PCLO: variants seen among roughly 807,000 people sequenced by gnomAD.
The protein encoded by PCLO is piccolo presynaptic cytomatrix protein.
Under a neutral mutation model 427.5 loss-of-function variants are expected in PCLO, and 82 were observed. The ratio of observed to expected loss-of-function variants is 0.19; its 90% CI spans 0.16 to 0.23. The LOEUF (loss-of-function observed/expected upper bound fraction) is 0.23. Ranked by LOEUF, PCLO falls within the 10% of genes least tolerant of loss-of-function variation. PCLO has a pLI of 1.00. For missense variants in PCLO, 6,239 were observed against 6,115.9 expected, an observed-to-expected ratio of 1.02 and a Z score of -0.67; for synonymous variants, 2,357 against 2,155.4, an observed-to-expected ratio of 1.09 and a Z score of -2.59.
chr7:82,868,141 C>T, intron 10 of PCLO: 2 of 456,642 alleles, frequency 4.4e-6, no homozygotes, highest in South Asian at 1.5e-5. Flanking sequence ...CAAGGAAGCT[C>T]ACTCATCTGT....
chr7:82,966,592 T>C (rs184766854), intron 3 of PCLO, 105 bp from the exon 4 acceptor site: 3 of 578,018 alleles, frequency 5.2e-6, no homozygotes, highest in South Asian at 7.2e-5. Flanking sequence ...GCTGTTTTTG[T>C]ACATGGAGAA....
At chr7:82,978,279 T>G (rs1796067948) in intron 3 of PCLO, among the ~76,000 whole-genome samples, 1 of 152,000 alleles carries the variant, frequency 6.6e-6, no homozygotes, top group African/African-American at 2.4e-5. Context: ...TCCTACAATC[T>G]GGGCAATTAC....
At position 82,954,552 on chromosome 7, in the gene PCLO, T is replaced by G. The variant is rs1337429030; in HGVS notation, c.6401A>C (p.Gln2134Pro). The part of the protein sequence containing the change: ...TLSIPDVKIT[Q>P]HFSTEEIEDE... Reference sequence around the variant, plus strand: ...CTCAATTTCTTCTGTTGAAAAATGTTGGGTTATTTTAACATCTGGGATAGA... The same window carrying G: ...CTCAATTTCTTCTGTTGAAAAATGTGGGGTTATTTTAACATCTGGGATAGA... Residue 2134 changes from glutamine to proline, a missense_variant, in exon 5 of 25, where the codon CAA becomes CCA. Around this residue, in one of 5 missense-constraint regions of PCLO, gnomAD observed 4,677 missense variants for 4,468.4 expected, o/e 1.05. Coordinates refer to ENST00000333891, the MANE Select transcript of PCLO (RefSeq NM_033026.6). The G allele has an allele frequency of 9.9e-6, 16 of 1,613,772 alleles. No individual in the cohort carries two copies. The highest frequency in any genetic ancestry group is 1.4e-5 in the Non-Finnish European group (16 of 1,179,812).
At chr7:82,970,095 G>A (rs1795867001) in intron 3 of PCLO, among the ~76,000 whole-genome samples, 1 of 151,912 alleles carries the variant, frequency 6.6e-6, no homozygotes, top group Admixed American at 6.6e-5. Context: ...ATGAGGCACA[G>A]CAAAAATCAT....
intron 22 of PCLO, among the ~76,000 whole-genome samples, chr7:82,795,553 G>A (rs79988873): frequency 2.0e-3 from 304 of 152,090 alleles, no homozygotes; most frequent in African/African-American, 7.1e-3. Context: ...TAAAAATGTT[G>A]GTAAGTACAA....
At position 82,915,281 on chromosome 7, in the gene PCLO, C is replaced by A. The variant is rs138538468; in HGVS notation, c.12705G>T (p.Arg4235Ser). 6.2e-7 allele frequency: 1 copy of A among 1,613,562 alleles called. No homozygotes were observed. The highest frequency in any genetic ancestry group is 2.2e-5 in the East Asian group (1 of 44,768). Residue 4235 changes from arginine (R) to serine (S), a missense_variant, in exon 7 of 25, where the codon AGG becomes AGT. This residue lies in a region of PCLO where 680 missense variants were observed against 677.3 expected (regional missense o/e 1.00). Coordinates refer to ENST00000333891, the MANE Select transcript of PCLO (RefSeq NM_033026.6). ...CAAAAGTGATGTCATCTTGAAGGAGCCTTGCCCTGGAGGAAATGCCACCAA... is the reference window on the plus strand; with the variant it reads ...CAAAAGTGATGTCATCTTGAAGGAGACTTGCCCTGGAGGAAATGCCACCAA... ...SSIGGISSRA[R>S]LLQDDITFGL...
chr7:82,981,171 A>C (rs1426920078), intron 3 of PCLO, among the ~76,000 whole-genome samples: 5 of 152,030 alleles, frequency 3.3e-5, no homozygotes, highest in Admixed American at 3.3e-4. Flanking sequence ...TTCATTATGA[A>C]CATACTTCGT....
chr7:82,794,596 C>T (rs887829039), intron 22 of PCLO, among the ~76,000 whole-genome samples: 1 of 150,436 alleles, frequency 6.6e-6, no homozygotes, highest in African/African-American at 2.4e-5. Flanking sequence ...TCTTAGCCTC[C>T]CTAGCAGCTG....
In PCLO at chr7:82,908,106, G is replaced by A. The variant is rs568522610; in HGVS notation, c.13437+771C>T. Among the ~76,000 whole-genome samples, 16 of 152,128 alleles carry A rather than the reference G, an allele frequency of 1.1e-4. No individual in the cohort carries two copies. The East Asian group carries it at 2.7e-3, about 26-fold the overall frequency. Reference sequence around the variant, plus strand: ...AATAATCATAATGAGTACACAACCTGCAAATATCTGATCTGCTAAGGCAAT... The same window carrying A: ...AATAATCATAATGAGTACACAACCTACAAATATCTGATCTGCTAAGGCAAT... On this transcript the variant is annotated intron_variant, in intron 8 of 24. Transcript: ENST00000333891.
At chr7:82,840,471 T>C (rs1792340090) in intron 14 of PCLO, among the ~76,000 whole-genome samples, 1 of 152,114 alleles carries the variant, frequency 6.6e-6, no homozygotes. Context: ...GTCTCTCTCT[T>C]ACTCCAAAAT....
intron 21 of PCLO, among the ~76,000 whole-genome samples, chr7:82,804,781 T>C (rs1695821654): frequency 6.6e-6 from 1 of 152,184 alleles, no homozygotes; most frequent in South Asian, 2.1e-4. Flanking sequence ...TCACAAAATA[T>C]CACACTTCTT....
intron 3 of PCLO, among the ~76,000 whole-genome samples, chr7:83,114,510 A>G (rs768469834): frequency 5.9e-5 from 9 of 152,072 alleles, no homozygotes; most frequent in African/African-American, 9.7e-5. Flanking sequence ...AACATGATAA[A>G]TAGGGAGACT....
intron 6 of PCLO, among the ~76,000 whole-genome samples, chr7:82,928,665 G>A (rs534884642): frequency 9.2e-5 from 14 of 152,230 alleles, no homozygotes; most frequent in African/African-American, 3.1e-4. Context: ...ATGAGCCACC[G>A]CGCCTGGCCT....
intron 20 of PCLO, among the ~76,000 whole-genome samples, chr7:82,814,895 T>G (rs938053378): frequency 1.3e-5 from 2 of 152,002 alleles, no homozygotes; most frequent in Non-Finnish European, 2.9e-5. Context: ...CCCACAGTCA[T>G]GGAAATGAAG....
chr7:82,922,717 G>A (rs1297654187), intron 6 of PCLO, among the ~76,000 whole-genome samples: 1 of 151,838 alleles, frequency 6.6e-6, no homozygotes, highest in Non-Finnish European at 1.5e-5. Flanking sequence ...ACCTGCACAT[G>A]TACCCTCTGA....
chr7:82,906,142 ATAAT>A (rs1221369940), intron 8 of PCLO, among the ~76,000 whole-genome samples: 6 of 152,082 alleles, frequency 3.9e-5, no homozygotes, highest in African/African-American at 1.4e-4. Context: ...GTTTATTTTT[ATAAT>A]TAATATGATT....
In PCLO at chr7:83,135,503, A is replaced by G; in HGVS notation, c.2047T>C (p.Ser683Pro). ...TTTGGTGCAGCATCCTTCTTTGGGG[A>G]AGTCTGCTGTGGCTGTGGGGATGAT... is the stretch of plus-strand genomic sequence containing the variant. ...SKSSPQPQQT[S>P]PKKDAAPKQD... Residue 683 changes from serine (S) to proline (P), a missense_variant, in exon 3 of 25, where the codon TCC becomes CCC. By Grantham distance (74) the Ser-to-Pro change is moderately conservative. Around this residue, in one of 5 missense-constraint regions of PCLO, gnomAD observed 4,677 missense variants for 4,468.4 expected, o/e 1.05. Transcript: ENST00000333891. 1 of 1,613,496 alleles carries G rather than the reference A, an allele frequency of 6.2e-7. No homozygotes were observed.
intron 3 of PCLO, among the ~76,000 whole-genome samples, chr7:82,997,923 T>C (rs1020865561): frequency 6.6e-6 from 1 of 152,004 alleles, no homozygotes; most frequent in African/African-American, 2.4e-5. Context: ...TTCATCTCCA[T>C]GTAAGGAGCG....
chr7:82,894,103 A>G (rs1239012940), intron 9 of PCLO, among the ~76,000 whole-genome samples: 2 of 152,054 alleles, frequency 1.3e-5, no homozygotes, highest in Non-Finnish European at 2.9e-5. Flanking sequence ...TTACTATCTC[A>G]GGAAATACAT....
Sources: allele counts gnomAD v4.1 joint callset (sites outside exome capture counted in the v4.1 genomes callset), GRCh38; gene constraint gnomAD v4.1.1; regional missense constraint gnomAD v4.1.1; transcripts MANE v1.5; gene names NCBI Gene and HGNC (gene_info 2026-07-23, HGNC 2026-07-21).